Variants in MTF1 observed in about 807,000 individuals in gnomAD.
MTF1 encodes the protein MRE-binding transcription factor.
Under a neutral mutation model 70.4 loss-of-function variants are expected in MTF1, and 22 were observed. The ratio of observed to expected loss-of-function variants is 0.31; its 90% CI spans 0.22 to 0.45. The LOEUF is 0.45. Among genes scored for constraint, MTF1 ranks in the 20% least tolerant of loss-of-function variants. The probability of loss-of-function intolerance (pLI) is 1.00; values close to 1 mark genes in which losing one functional copy is unlikely to be tolerated. For synonymous variants in MTF1, 333 were observed against 352.8 expected (o/e 0.94, Z 0.63); for missense variants, 649 against 922.0 (o/e 0.70, Z 3.83).
intron 3 of MTF1, 41 bp from the exon 4 acceptor site, chr1:37,838,797 C>CTTTTTTTTTTTTTTTTTGTT (rs1641210090): frequency 2.4e-6 from 1 of 421,154 alleles, no homozygotes; most frequent in Non-Finnish European, 3.2e-6. Flanking sequence ...TCATAAAATT[C>CTTTTTTTTTTTTTTTTTGTT]TTTTTTTTTT....
chr1:37,822,223 A>G lies in MTF1; in HGVS notation c.1665T>C (p.Thr555=), dbSNP rs766593233. Residue 555 remains threonine (T), a synonymous_variant, in exon 9 of 11, where the codon ACT becomes ACC. Transcript: ENST00000373036. The part of the protein sequence containing the change: ...TNNPTITITP[T]PNTAILQSSL... ...TGGACTGCAGGATAGCTGTGTTGGG[A>G]GTTGGGGTGATGGTTATTGTGGGAT... 176 of 1,613,808 alleles carry G rather than the reference A, an allele frequency of 1.1e-4. No individual in the cohort carries two copies. The highest frequency in any genetic ancestry group is 3.3e-5 in the Non-Finnish European group (39 of 1,179,994).
intron 6 of MTF1, 142 bp from the exon 7 acceptor site, chr1:37,832,464 G>T: frequency 3.3e-6 from 2 of 599,698 alleles, no homozygotes; most frequent in Non-Finnish European, 5.9e-6. Flanking sequence ...GCCAACCAAA[G>T]CAAGGGCTAA....
At chr1:37,826,488 G>A (rs61778079) in intron 7 of MTF1, 49,127 of 427,354 alleles carry the variant, frequency 0.11, 3,434 homozygotes, top group Middle Eastern at 0.24. Context: ...GTCCTGCTAC[G>A]TTGCCTAGCC....
chr1:37,856,196 G>C (rs1234094905), intron 2 of MTF1, among the ~76,000 whole-genome samples: 1 of 34,230 alleles, frequency 2.9e-5, no homozygotes, highest in Non-Finnish European at 5.0e-5. Context: ...TTTTTTTTTT[G>C]AGACTGAGTC....
chr1:37,837,591 C>T (rs776310426), intron 4 of MTF1, among the ~76,000 whole-genome samples: 20 of 152,052 alleles, frequency 1.3e-4, no homozygotes, highest in Non-Finnish European at 1.0e-4. Context: ...CCACAACCTC[C>T]GCCTCTCTGG....
rs556165130 is a variant in MTF1 at position 37,811,002 on chromosome 1, AG to A, written c.*4133del. The stretch of plus-strand genomic sequence containing the variant: ...GTAAACTCTTGAGAAATATTGTTGC[AG>A]TTCCACAAATCAATGGTTTCAATCA... On this transcript the variant is annotated 3_prime_UTR_variant, in exon 11 of 11. Transcript: ENST00000373036. 30 of 152,768 alleles carry A rather than the reference AG, an allele frequency of 2.0e-4. No homozygotes were observed. The East Asian group carries it at 4.0e-3, about 21-fold the overall frequency. 9.5% of individuals were successfully genotyped at this position (152,768 alleles called of 1,614,324 possible). A position where few individuals can be genotyped will look rare whatever the true frequency, so the allele number is the denominator to read the frequency against.
intron 9 of MTF1, among the ~76,000 whole-genome samples, chr1:37,819,063 C>G (rs960283930): frequency 3.3e-5 from 5 of 152,154 alleles, no homozygotes; most frequent in Non-Finnish European, 5.9e-5. Flanking sequence ...CCATGTGATG[C>G]CCTGTGCTGC....
chr1:37,850,269 T>G (rs546573743), intron 2 of MTF1, among the ~76,000 whole-genome samples: 2 of 150,980 alleles, frequency 1.3e-5, no homozygotes, highest in East Asian at 3.9e-4. Flanking sequence ...AAAAAGCTTT[T>G]GTTTTTAGGC....
At position 37,829,988 on chromosome 1, in the gene MTF1, C is replaced by T. The variant is rs527381674; in HGVS notation, c.1068+2257G>A. Among the ~76,000 whole-genome samples, 37 of 152,094 alleles carry T rather than the reference C, an allele frequency of 2.4e-4. No homozygotes were observed. In the South Asian group the frequency reaches 4.0e-3, roughly 16 times the overall value. ...GAAAGGCTTCCCTTTTTCATAAGTACTTGGTGTCCCCTTATGCCAGGGTAT... is the reference window on the plus strand; with the variant it reads ...GAAAGGCTTCCCTTTTTCATAAGTATTTGGTGTCCCCTTATGCCAGGGTAT... On this transcript the variant is annotated intron_variant, in intron 7 of 10. Transcript: ENST00000373036.
At chr1:37,841,121 CTTTT>C in intron 2 of MTF1, 1 of 165,230 alleles carries the variant, frequency 6.1e-6, no homozygotes, top group South Asian at 1.4e-4. Flanking sequence ...CGAGGATGAG[CTTTT>C]GAAGACTACA....
At chr1:37,819,991 A>C (rs1640886594) in intron 9 of MTF1, among the ~76,000 whole-genome samples, 1 of 85,954 alleles carries the variant, frequency 1.2e-5, no homozygotes, top group Non-Finnish European at 3.2e-5. Flanking sequence ...AAAAAGGAGA[A>C]GTGAGACCCT....
intron 7 of MTF1, among the ~76,000 whole-genome samples, chr1:37,830,750 A>G (rs906043031): frequency 1.3e-5 from 2 of 152,160 alleles, no homozygotes; most frequent in Admixed American, 1.3e-4. Context: ...CATTAACTTC[A>G]TCTCCCTTGC....
intron 2 of MTF1, among the ~76,000 whole-genome samples, chr1:37,853,996 T>C (rs566896542): frequency 3.9e-5 from 6 of 152,272 alleles, no homozygotes; most frequent in African/African-American, 1.2e-4. Context: ...TAAAATTTCA[T>C]AGGGAGATAT....
chr1:37,847,112 C>A (rs1273262943), intron 2 of MTF1, among the ~76,000 whole-genome samples: 1 of 152,196 alleles, frequency 6.6e-6, no homozygotes, highest in Non-Finnish European at 1.5e-5. Context: ...GGCCTCCCAT[C>A]CCCCACCATG....
intron 9 of MTF1, among the ~76,000 whole-genome samples, chr1:37,817,703 T>C (rs904609018): frequency 2.6e-5 from 4 of 152,210 alleles, no homozygotes; most frequent in African/African-American, 7.2e-5. Flanking sequence ...ACGCCACTAG[T>C]TGGCTGGCTC....
At position 37,822,610 on chromosome 1, in the gene MTF1, G is replaced by A; in HGVS notation, c.1278C>T (p.Gly426=). The A allele has an allele frequency of 1.9e-6, 3 of 1,613,948 alleles. No homozygotes were observed. Among genetic ancestry groups the A allele is most frequent in the Non-Finnish European group, 2.5e-6 (3 of 1,180,004 alleles). The change falls in exon 9 of 11, where the codon GGC becomes GGT. Residue 426 remains glycine, a synonymous_variant. Coordinates refer to ENST00000373036, the MANE Select transcript of MTF1 (RefSeq NM_005955.3). ...GTAGAGGCTGGGGTGGCTCGGAGAGGCCAGGTTGCAGTACAAGTGGAAGAG... is the reference window on the plus strand; with the variant it reads ...GTAGAGGCTGGGGTGGCTCGGAGAGACCAGGTTGCAGTACAAGTGGAAGAG... ...SLSLPLVLQP[G]LSEPPQPLLP...
intron 6 of MTF1, chr1:37,834,814 A>C: frequency 1.7e-6 from 1 of 579,064 alleles, no homozygotes; most frequent in South Asian, 1.7e-5. Context: ...TTGCCACTAG[A>C]AAACCAGAGC....
chr1:37,826,542 G>A (rs1294396151), intron 7 of MTF1: 1 of 455,032 alleles, frequency 2.2e-6, no homozygotes, highest in Non-Finnish European at 4.4e-6. Context: ...CAAAGCACTG[G>A]GATTACAAGT....
At position 37,822,142 on chromosome 1, in the gene MTF1, A is replaced by G; in HGVS notation, c.1746T>C (p.Ser582=). 1 of 1,603,568 alleles carries G rather than the reference A, an allele frequency of 6.2e-7. No homozygotes were observed. ...TTACAATTTGTTCTTGGTTTTGTGG[A>G]GAACTGGTGGCACCATTTAATATCC... ...LQWILNGATS[S]PQNQEQIQQA... The change falls in exon 9 of 11, where the codon TCT becomes TCC. Residue 582 remains serine (S), a synonymous_variant. Coordinates refer to ENST00000373036, the MANE Select transcript of MTF1 (RefSeq NM_005955.3).
Sources: gnomAD v4.1 joint callset for allele counts (sites outside exome capture counted in the v4.1 genomes callset) on GRCh38, gnomAD v4.1.1 for gene constraint, MANE v1.5 for transcripts, NCBI Gene and HGNC (gene_info 2026-07-23, HGNC 2026-07-21) for gene names.